The following DENND4A variants were observed in gnomAD, a reference collection of about 807,000 sequenced individuals.
DENND4A encodes the protein DENN domain containing 4A, also known as C-myc promoter-binding protein.
In DENND4A, 70 loss-of-function variants were observed where a neutral mutation model predicts 199.3. The observed-to-expected ratio is 0.35, with a 90% CI of 0.29 to 0.43. The LOEUF (loss-of-function observed/expected upper bound fraction) is 0.43. Among genes scored for constraint, DENND4A ranks in the 20% least tolerant of loss-of-function variants. The probability of loss-of-function intolerance (pLI) is 1.00; values close to 1 mark genes in which losing one functional copy is unlikely to be tolerated. For synonymous variants in DENND4A, 686 were observed against 766.9 expected, an observed-to-expected ratio of 0.89 and a Z score of 1.74; for missense variants, 1,723 against 2,255.8, an observed-to-expected ratio of 0.76 and a Z score of 4.78.
chr15:65,661,956 G>A lies in DENND4A; in HGVS notation c.5619C>T (p.Tyr1873=), dbSNP rs374919957. The part of the protein sequence containing the change: ...DAFDKEYKMA[Y]DRLTPSQVKS... ...TGACTTGACTAGGTGTGAGACGATCGTATGCCATCTTGTACTCTTTATCAA... is the reference window on the plus strand; with the variant it reads ...TGACTTGACTAGGTGTGAGACGATCATATGCCATCTTGTACTCTTTATCAA... The change falls in exon 33 of 33, where the codon TAC becomes TAT. Residue 1873 remains tyrosine (Y), a synonymous_variant. Transcript: ENST00000443035. The A allele has an allele frequency of 1.1e-5, 18 of 1,612,666 alleles. No individual in the cohort carries two copies. Among genetic ancestry groups the A allele is most frequent in the African/African-American group, 4.0e-5 (3 of 74,902 alleles).
At chr15:65,788,139 C>T (rs1200433436) in intron 1 of DENND4A, among the ~76,000 whole-genome samples, 1 of 151,448 alleles carries the variant, frequency 6.6e-6, no homozygotes, top group African/African-American at 2.4e-5. Context: ...TGCAGTGGCG[C>T]TATCTCTGCT....
At chr15:65,722,750 T>C (rs1380891733) in intron 12 of DENND4A, 98 bp downstream of exon 12, 1 of 937,752 alleles carries the variant, frequency 1.1e-6, no homozygotes. Flanking sequence ...TAAAACCGCT[T>C]TCTGCTAGAT....
rs2076009772 is a variant in DENND4A at position 65,665,609 on chromosome 15, A to T, written c.5242-147T>A. Reference sequence around the variant, plus strand: ...AAAGACTGATTTATCTACATTTGATATCTACTACAGGAAGATGGGCTGTGT... The same window carrying T: ...AAAGACTGATTTATCTACATTTGATTTCTACTACAGGAAGATGGGCTGTGT... On this transcript the variant is annotated intron_variant, in intron 29 of 32. Coordinates refer to ENST00000443035, the MANE Select transcript of DENND4A (RefSeq NM_001320835.1). The T allele has an allele frequency of 9.0e-6, 5 of 556,068 alleles. No homozygotes were observed. In the South Asian group the frequency reaches 1.3e-4, roughly 14 times the overall value. 34.4% of individuals were successfully genotyped at this position (556,068 alleles called of 1,614,324 possible). A position where few individuals can be genotyped will look rare whatever the true frequency, so the allele number is the denominator to read the frequency against.
At chr15:65,781,274 A>C (rs921615569) in intron 1 of DENND4A, among the ~76,000 whole-genome samples, 2 of 152,216 alleles carry the variant, frequency 1.3e-5, no homozygotes, top group East Asian at 3.8e-4. Context: ...AAGCCAAGTC[A>C]TGGAGAGTTT....
chr15:65,678,056 T>C (rs1433336427), intron 23 of DENND4A, among the ~76,000 whole-genome samples: 7 of 150,100 alleles, frequency 4.7e-5, no homozygotes, highest in Non-Finnish European at 7.4e-5. Flanking sequence ...GCCTCCCGAA[T>C]AGCTGGGATT....
chr15:65,693,239 T>C (rs186571522), intron 22 of DENND4A, among the ~76,000 whole-genome samples: 1 of 152,184 alleles, frequency 6.6e-6, no homozygotes, highest in East Asian at 1.9e-4. Context: ...TTTTTGAGGG[T>C]TTTTGGAAAA....
chr15:65,723,003 A>G, intron 11 of DENND4A, 55 bp from the exon 12 acceptor site: 1 of 1,387,594 alleles, frequency 7.2e-7, no homozygotes, highest in Non-Finnish European at 9.9e-7. Flanking sequence ...TGGAGGGGAA[A>G]GGTATATATC....
chr15:65,716,197 A>G (rs1223931607), intron 13 of DENND4A, among the ~76,000 whole-genome samples: 1 of 146,704 alleles, frequency 6.8e-6, no homozygotes, highest in Non-Finnish European at 1.5e-5. Flanking sequence ...ACACTCTCCT[A>G]CTTTACCTTT....
intron 30 of DENND4A, 185 bp from the exon 31 acceptor site, chr15:65,664,907 CTAAAGCTTTCTGTGGTCT>C: frequency 1.8e-6 from 1 of 556,652 alleles, no homozygotes; most frequent in Non-Finnish European, 3.1e-6. Flanking sequence ...AAAAAAAGGT[CTAAAGCTTTCTGTGGTCT>C]TAAATAGACA....
chr15:65,724,721 C>A (rs780545582), intron 11 of DENND4A, among the ~76,000 whole-genome samples: 3 of 152,156 alleles, frequency 2.0e-5, no homozygotes, highest in Non-Finnish European at 4.4e-5. Flanking sequence ...AGATGTCCTG[C>A]TGTGAAGGTG....
chr15:65,756,094 A>G (rs774545449), intron 3 of DENND4A, 46 bp downstream of exon 3: 1 of 1,457,938 alleles, frequency 6.9e-7, no homozygotes, highest in Non-Finnish European at 9.3e-7. Flanking sequence ...TCTACAAGGC[A>G]TATTATTTGG....
chr15:65,670,004 T>C lies in DENND4A; in HGVS notation c.4640+9A>G. ...GATCCTTAAACATGAAGGAAAAAAA[T>C]ATCATTACCTTCCAGGTCGTCTTAA... On this transcript the variant is annotated intron_variant, in intron 26 of 32. Coordinates refer to ENST00000443035, the MANE Select transcript of DENND4A (RefSeq NM_001320835.1). The C allele has an allele frequency of 2.5e-6, 4 of 1,591,082 alleles. No homozygotes were observed. Among genetic ancestry groups the C allele is most frequent in the Non-Finnish European group, 3.4e-6 (4 of 1,167,272 alleles).
chr15:65,787,749 A>T (rs914946546), intron 1 of DENND4A, among the ~76,000 whole-genome samples: 12 of 152,244 alleles, frequency 7.9e-5, no homozygotes, highest in African/African-American at 2.9e-4. Flanking sequence ...AAACAGGAAA[A>T]GCAGAGTACA....
chr15:65,725,000 C>G (rs1407203735), intron 11 of DENND4A, among the ~76,000 whole-genome samples: 1 of 152,168 alleles, frequency 6.6e-6, no homozygotes, highest in East Asian at 1.9e-4. Context: ...TGAACAACAT[C>G]TTGGTATCAT....
At chr15:65,677,879 A>G (rs1330550766) in intron 23 of DENND4A, among the ~76,000 whole-genome samples, 1 of 148,682 alleles carries the variant, frequency 6.7e-6, no homozygotes, top group African/African-American at 2.5e-5. Flanking sequence ...TTATAGTTTT[A>G]GCATTAGTTT....
At position 65,676,299 on chromosome 15, in the gene DENND4A, T is replaced by C. The variant is rs902354336; in HGVS notation, c.4369+146A>G. ...AAAGTTATACTTTTGTGAAAGTGCC[T>C]TGGTTTTATTGTTTTGACTTTGGAA... On this transcript the variant is annotated intron_variant, in intron 24 of 32. Coordinates refer to ENST00000443035, the MANE Select transcript of DENND4A (RefSeq NM_001320835.1). 1.6e-4 allele frequency: 112 copies of C among 692,810 alleles called. No homozygotes were observed. The African/African-American group carries it at 1.9e-3, about 12-fold the overall frequency. 42.9% of individuals were successfully genotyped at this position (692,810 alleles called of 1,614,324 possible). A position where few individuals can be genotyped will look rare whatever the true frequency, so the allele number is the denominator to read the frequency against.
rs149872021 is a variant in DENND4A, at chr15:65,789,871, A to T, written c.-102+2139T>A. On this transcript the variant is annotated intron_variant, in intron 1 of 32. Transcript: ENST00000443035. ...TATAATAGCAGTTATAAGAGTAATA[A>T]CTGGCCGGGTGCGGTAGCTCACGCC... is the stretch of plus-strand genomic sequence containing the variant. Among the ~76,000 whole-genome samples the T allele has an allele frequency of 1.3e-3, 194 of 152,262 alleles. 4 individuals are homozygous for T. In the East Asian group the frequency reaches 0.034, roughly 26 times the overall value.
chr15:65,771,203 T>C, intron 1 of DENND4A: 5 of 1,607,838 alleles, frequency 3.1e-6, no homozygotes, highest in Non-Finnish European at 4.2e-6. Context: ...GGTAAGCCGC[T>C]CTAATTCTTT....
At chr15:65,687,677 G>T in intron 23 of DENND4A, among the ~76,000 whole-genome samples, 1 of 152,126 alleles carries the variant, frequency 6.6e-6, no homozygotes, top group Non-Finnish European at 1.5e-5. Context: ...TGCGTTAAAG[G>T]CACCATTCCA....
Sources: gnomAD v4.1 joint callset for allele counts (sites outside exome capture counted in the v4.1 genomes callset) on GRCh38, gnomAD v4.1.1 for gene constraint, MANE v1.5 for transcripts, NCBI Gene and HGNC (gene_info 2026-07-23, HGNC 2026-07-21) for gene names.